Variants in GABRA5 observed in about 807,000 individuals in gnomAD.
GABRA5 encodes the protein gamma-aminobutyric acid type A receptor subunit alpha5.
Under a neutral mutation model 47.3 loss-of-function variants are expected in GABRA5, and 18 were observed. The ratio of observed to expected loss-of-function variants is 0.38; its 90% CI spans 0.26 to 0.56. GABRA5 has a LOEUF of 0.56. Ranked by LOEUF, GABRA5 falls within the 20% of genes least tolerant of loss-of-function variation. The pLI is 0.71. For synonymous variants in GABRA5, 237 were observed against 229.3 expected, an observed-to-expected ratio of 1.03 and a Z score of -0.30; for missense variants, 365 against 599.3, an observed-to-expected ratio of 0.61 and a Z score of 4.08.
intron 8 of GABRA5, chr15:26,939,685 T>TC (rs1320420899): frequency 1.7e-6 from 1 of 595,600 alleles, no homozygotes; most frequent in African/African-American, 1.9e-5. Context: ...AATCTGATTT[T>TC]CCCCAGGAAG....
At chr15:26,906,345 C>T (rs1447793104) in intron 6 of GABRA5, among the ~76,000 whole-genome samples, 1 of 152,132 alleles carries the variant, frequency 6.6e-6, no homozygotes, top group East Asian at 1.9e-4. Flanking sequence ...CAGATAGGGT[C>T]TGTGTGCATG....
intron 3 of GABRA5, among the ~76,000 whole-genome samples, chr15:26,878,089 G>C (rs1320408712): frequency 6.6e-6 from 1 of 152,184 alleles, no homozygotes; most frequent in East Asian, 1.9e-4. Flanking sequence ...AGCGCTTTAT[G>C]GGCTGAGGAC....
intron 7 of GABRA5, among the ~76,000 whole-genome samples, chr15:26,927,266 G>A (rs1408956812): frequency 1.5e-5 from 2 of 131,156 alleles, no homozygotes; most frequent in Non-Finnish European, 3.2e-5. Flanking sequence ...ACCATGTCCA[G>A]CTAATTTTTT....
At chr15:26,881,329 T>C (rs1321314611) in intron 4 of GABRA5, among the ~76,000 whole-genome samples, 1 of 152,214 alleles carries the variant, frequency 6.6e-6, no homozygotes. Flanking sequence ...GATTACCCTA[T>C]GTTAAGAAAT....
chr15:26,919,805 G>T (rs888932579), intron 7 of GABRA5, among the ~76,000 whole-genome samples: 1 of 152,058 alleles, frequency 6.6e-6, no homozygotes, highest in Non-Finnish European at 1.5e-5. Flanking sequence ...TGCAAGTCAG[G>T]TCTAGTGGTT....
At chr15:26,871,296 T>C (rs1433558278) in intron 3 of GABRA5, among the ~76,000 whole-genome samples, 1 of 152,238 alleles carries the variant, frequency 6.6e-6, no homozygotes. Flanking sequence ...CACTCCCTGG[T>C]AGATGCAGGT....
At chr15:26,904,981 C>G (rs964005292) in intron 6 of GABRA5, among the ~76,000 whole-genome samples, 6 of 152,130 alleles carry the variant, frequency 3.9e-5, no homozygotes, top group African/African-American at 1.4e-4. Flanking sequence ...CTAGCCAGGA[C>G]TTCCAGTACT....
chr15:26,944,903 C>T (rs1686853937), intron 10 of GABRA5, among the ~76,000 whole-genome samples: 1 of 152,032 alleles, frequency 6.6e-6, no homozygotes, highest in Non-Finnish European at 1.5e-5. Flanking sequence ...GGAACGTGAG[C>T]CCCCGGGTGA....
intron 6 of GABRA5, among the ~76,000 whole-genome samples, chr15:26,909,582 T>G (rs1301434977): frequency 6.6e-6 from 1 of 152,220 alleles, no homozygotes; most frequent in Non-Finnish European, 1.5e-5. Context: ...GAGAGGCTGT[T>G]TCTTGCCTCT....
intron 10 of GABRA5, among the ~76,000 whole-genome samples, chr15:26,945,749 G>A (rs1008702352): frequency 2.0e-5 from 3 of 152,156 alleles, no homozygotes; most frequent in Non-Finnish European, 4.4e-5. Context: ...GGATTCCAGG[G>A]CGCGTGTAAA....
chr15:26,893,506 C>G (rs1893093378), intron 6 of GABRA5, among the ~76,000 whole-genome samples: 1 of 21,554 alleles, frequency 4.6e-5, no homozygotes, highest in African/African-American at 1.7e-4. Flanking sequence ...GCCTGGACCT[C>G]CCTCCTGCGT....
intron 3 of GABRA5, among the ~76,000 whole-genome samples, chr15:26,875,705 G>T (rs964401981): frequency 6.6e-6 from 1 of 152,098 alleles, no homozygotes; most frequent in African/African-American, 2.4e-5. Context: ...CGGGGAGGGA[G>T]CGTCGTCAGG....
At chr15:26,922,104 TTGATTA>T (rs1893857243) in intron 7 of GABRA5, among the ~76,000 whole-genome samples, 1 of 152,214 alleles carries the variant, frequency 6.6e-6, no homozygotes, top group Non-Finnish European at 1.5e-5. Flanking sequence ...TTATATTATC[TTGATTA>T]TGATGGTGCT....
In GABRA5 at chr15:26,867,901, G is replaced by A. The variant is rs923775885; in HGVS notation, c.-140+790G>A. 3.3e-5 allele frequency: 5 copies of A among 152,104 alleles called. No individual in the cohort carries two copies. The highest frequency in any genetic ancestry group is 7.4e-5 in the Non-Finnish European group (5 of 68,024). 9.4% of individuals were successfully genotyped at this position (152,104 alleles called of 1,614,324 possible). On this transcript the variant is annotated intron_variant, in intron 1 of 10. Transcript: ENST00000335625. The surrounding 1 kb of genome is among the most constrained non-coding windows in gnomAD (Gnocchi z 5.9). ...GCCCAGGAGGAAGGCGCTGCCTGGCGGAGCGCTTGGCTCGTACCCGGGGCA... is the reference window on the plus strand; with the variant it reads ...GCCCAGGAGGAAGGCGCTGCCTGGCAGAGCGCTTGGCTCGTACCCGGGGCA...
intron 7 of GABRA5, among the ~76,000 whole-genome samples, chr15:26,926,589 G>T (rs1335948515): frequency 1.3e-5 from 2 of 152,262 alleles, no homozygotes; most frequent in East Asian, 3.9e-4. Flanking sequence ...AGGACCCTCT[G>T]AAGATCCCTG....
At chr15:26,903,743 A>T (rs1177547366) in intron 6 of GABRA5, among the ~76,000 whole-genome samples, 1 of 151,790 alleles carries the variant, frequency 6.6e-6, no homozygotes, top group Non-Finnish European at 1.5e-5. Flanking sequence ...CATTGGCTGC[A>T]TGTATGTCTT....
intron 6 of GABRA5, among the ~76,000 whole-genome samples, chr15:26,897,734 CCT>C (rs1198692586): frequency 6.6e-6 from 1 of 152,108 alleles, no homozygotes; most frequent in Non-Finnish European, 1.5e-5. Context: ...CGTTACTTTC[CCT>C]GTTACATGTC....
At chr15:26,937,364 C>G in intron 8 of GABRA5, 36 bp downstream of exon 8, 1 of 1,565,892 alleles carries the variant, frequency 6.4e-7, no homozygotes, top group Non-Finnish European at 8.6e-7. Context: ...GCCAGGCGCA[C>G]TCAGGACACC....
chr15:26,942,457 A>C (rs1340031613), intron 9 of GABRA5, among the ~76,000 whole-genome samples: 1 of 152,150 alleles, frequency 6.6e-6, no homozygotes, highest in Non-Finnish European at 1.5e-5. Flanking sequence ...TGGCTCTTAC[A>C]AGTCTGCAGT....
Sources: gnomAD v4.1 joint callset for allele counts (sites outside exome capture counted in the v4.1 genomes callset) on GRCh38, gnomAD v4.1.1 for gene constraint, Gnocchi (gnomAD v3.1) non-coding constraint, MANE v1.5 for transcripts, NCBI Gene and HGNC (gene_info 2026-07-23, HGNC 2026-07-21) for gene names.